Variants in SLX4IP observed in about 807,000 individuals in gnomAD.
The protein encoded by SLX4IP is protein SLX4IP.
In SLX4IP, 34 loss-of-function variants were observed where a neutral mutation model predicts 32.9. The ratio of observed to expected loss-of-function variants is 1.03; its 90% confidence interval spans 0.79 to 1.38. The LOEUF (loss-of-function observed/expected upper bound fraction) is 1.38. Ranked by LOEUF, SLX4IP falls within the 40% of genes most tolerant of loss-of-function variation. SLX4IP has a pLI of 0.00. For synonymous variants in SLX4IP, 172 were observed against 171.7 expected, an observed-to-expected ratio of 1.00 and a Z score of -0.01; for missense variants, 444 against 479.0, an observed-to-expected ratio of 0.93 and a Z score of 0.68.
chr20:10,562,660 GGGA>G (rs1231592855), intron 4 of SLX4IP, among the ~76,000 whole-genome samples: 7 of 152,086 alleles, frequency 4.6e-5, no homozygotes, highest in Non-Finnish European at 1.0e-4. Context: ...GCCCTCACCA[GGGA>G]CCCTGCCCTT....
intron 6 of SLX4IP, among the ~76,000 whole-genome samples, chr20:10,604,551 AG>A (rs2122553086): frequency 1.3e-5 from 2 of 152,378 alleles, no homozygotes; most frequent in East Asian, 3.9e-4. Context: ...GTTGCACAAA[AG>A]AACTGCTGTT....
chr20:10,561,343 T>G (rs1195441238), intron 4 of SLX4IP, among the ~76,000 whole-genome samples: 1 of 152,014 alleles, frequency 6.6e-6, no homozygotes, highest in Non-Finnish European at 1.5e-5. Context: ...AGTGGTAGTC[T>G]TATATCCATT....
At chr20:10,594,088 G>A (rs529290399) in intron 4 of SLX4IP, among the ~76,000 whole-genome samples, 115 of 152,314 alleles carry the variant, frequency 7.6e-4, no homozygotes, top group African/African-American at 2.6e-3. Context: ...TGTCCACTTC[G>A]AAGCAGTTTA....
At chr20:10,541,926 G>T (rs1181135669) in intron 2 of SLX4IP, among the ~76,000 whole-genome samples, 1 of 152,168 alleles carries the variant, frequency 6.6e-6, no homozygotes, top group African/African-American at 2.4e-5. Context: ...ATATGTATCT[G>T]TATGACTCTA....
intron 2 of SLX4IP, among the ~76,000 whole-genome samples, chr20:10,485,541 C>CA (rs1024988925): frequency 2.0e-5 from 3 of 151,646 alleles, no homozygotes; most frequent in African/African-American, 7.3e-5. Flanking sequence ...CGCTTGAACC[C>CA]AGGAGGTGGA....
chr20:10,529,479 T>C (rs543825522), intron 2 of SLX4IP, among the ~76,000 whole-genome samples: 2 of 151,218 alleles, frequency 1.3e-5, no homozygotes, highest in Non-Finnish European at 2.9e-5. Context: ...TAATCTCAGC[T>C]ACTTGGAAGG....
intron 6 of SLX4IP, among the ~76,000 whole-genome samples, chr20:10,609,034 ACTTGTGACCTT>A (rs1186918906): frequency 6.6e-6 from 1 of 152,130 alleles, no homozygotes; most frequent in African/African-American, 2.4e-5. Context: ...AAAGGCAAAA[ACTTGTGACCTT>A]CAGTGGGAGT....
intron 2 of SLX4IP, among the ~76,000 whole-genome samples, chr20:10,459,361 G>A (rs2065316668): frequency 6.6e-6 from 1 of 152,112 alleles, no homozygotes; most frequent in Non-Finnish European, 1.5e-5. Flanking sequence ...AAGCTCTTTA[G>A]TTTAGTTTGA....
At chr20:10,560,108 C>G (rs1276711165) in intron 3 of SLX4IP, among the ~76,000 whole-genome samples, 2 of 152,214 alleles carry the variant, frequency 1.3e-5, no homozygotes, top group Admixed American at 1.3e-4. Context: ...GAACAAAGAT[C>G]TAGCAACACT....
At chr20:10,559,856 G>A (rs2066311268) in intron 3 of SLX4IP, among the ~76,000 whole-genome samples, 1 of 152,264 alleles carries the variant, frequency 6.6e-6, no homozygotes, top group Non-Finnish European at 1.5e-5. Flanking sequence ...GTACATGAGT[G>A]TAGTACGTTT....
intron 2 of SLX4IP, among the ~76,000 whole-genome samples, chr20:10,472,085 G>A (rs541773009): frequency 1.3e-5 from 2 of 152,320 alleles, no homozygotes; most frequent in African/African-American, 4.8e-5. Flanking sequence ...TACCTCCAGA[G>A]GAGGGAAGGG....
At chr20:10,569,073 G>A (rs2066429547) in intron 4 of SLX4IP, among the ~76,000 whole-genome samples, 1 of 152,122 alleles carries the variant, frequency 6.6e-6, no homozygotes, top group African/African-American at 2.4e-5. Flanking sequence ...CCTTACTTGA[G>A]GACTGCCTGG....
chr20:10,459,399 G>A (rs542269088), intron 2 of SLX4IP, among the ~76,000 whole-genome samples: 10 of 152,062 alleles, frequency 6.6e-5, no homozygotes, highest in Non-Finnish European at 1.3e-4. Flanking sequence ...TGCTTTTGTT[G>A]CAATTGCTTT....
chr20:10,622,694 G>T lies in SLX4IP; in HGVS notation c.542G>T (p.Ser181Ile), dbSNP rs757666458. 1 of 1,612,420 alleles carries T rather than the reference G, an allele frequency of 6.2e-7. No individual in the cohort carries two copies. Among genetic ancestry groups the T allele is most frequent in the African/African-American group, 1.3e-5 (1 of 74,862 alleles). ...ACTGAAACAAAAAGCAGTGTCACGA[G>T]CAAATCGCAGACCAGAAGAGACACT... ...KRTETKSSVTSKSQTRRDTVE... is the reference protein window; with the variant it reads ...KRTETKSSVTIKSQTRRDTVE... Residue 181 changes from serine to isoleucine, a missense_variant, in exon 8 of 8, where the codon AGC (serine) becomes ATC (isoleucine). Transcript: ENST00000334534.
chr20:10,522,265 T>G (rs1346202527), intron 2 of SLX4IP, among the ~76,000 whole-genome samples: 1 of 151,878 alleles, frequency 6.6e-6, no homozygotes, highest in South Asian at 2.1e-4. Context: ...TTGCCTTTTT[T>G]GGGGGGATCT....
chr20:10,605,064 A>G (rs8123495), intron 6 of SLX4IP, among the ~76,000 whole-genome samples: 17,637 of 152,208 alleles, frequency 0.12, 2,617 homozygotes, highest in African/African-American at 0.35. Flanking sequence ...GCCTATGTAG[A>G]AACTGTTTTC....
chr20:10,537,283 C>G (rs140946994), intron 2 of SLX4IP, among the ~76,000 whole-genome samples: 30 of 152,254 alleles, frequency 2.0e-4, no homozygotes, highest in African/African-American at 7.2e-4. Flanking sequence ...AAGGGCAGTC[C>G]TTGTTGCCCT....
At chr20:10,502,051 G>C (rs182997864) in intron 2 of SLX4IP, among the ~76,000 whole-genome samples, 1 of 152,132 alleles carries the variant, frequency 6.6e-6, no homozygotes, top group African/African-American at 2.4e-5. Flanking sequence ...GGGTGGGGCC[G>C]AAACGGCGGC....
intron 4 of SLX4IP, among the ~76,000 whole-genome samples, chr20:10,566,689 C>T (rs1208886639): frequency 6.6e-6 from 1 of 152,158 alleles, no homozygotes; most frequent in Non-Finnish European, 1.5e-5. Flanking sequence ...ATAGACCTTT[C>T]CACCATTGAG....
Sources: allele counts gnomAD v4.1 joint callset (sites outside exome capture counted in the v4.1 genomes callset), GRCh38; gene constraint gnomAD v4.1.1; transcripts MANE v1.5; gene names NCBI Gene and HGNC (gene_info 2026-07-23, HGNC 2026-07-21).